VAV3: variants seen among roughly 807,000 people sequenced by gnomAD.
The protein encoded by VAV3 is guanine nucleotide exchange factor VAV3.
Under a neutral mutation model 131.2 loss-of-function variants are expected in VAV3, and 94 were observed. The ratio of observed to expected loss-of-function variants is 0.72; its 90% CI spans 0.61 to 0.85. The LOEUF (loss-of-function observed/expected upper bound fraction) is 0.85. Ranked by LOEUF, VAV3 falls within the 40% of genes least tolerant of loss-of-function variation. The pLI, the probability that VAV3 is intolerant of heterozygous loss-of-function variation, is 0.00. For synonymous variants in VAV3, 349 were observed against 342.0 expected, an observed-to-expected ratio of 1.02 and a Z score of -0.22; for missense variants, 939 against 1,002.7, an observed-to-expected ratio of 0.94 and a Z score of 0.86.
At chr1:107,694,501 T>C (rs1478657113) in intron 17 of VAV3, among the ~76,000 whole-genome samples, 1 of 152,208 alleles carries the variant, frequency 6.6e-6, no homozygotes, top group African/African-American at 2.4e-5. Flanking sequence ...GCTTAGGCCA[T>C]GAGCCTTTCC....
At chr1:107,629,269 A>C (rs1654262923) in intron 20 of VAV3, among the ~76,000 whole-genome samples, 1 of 152,184 alleles carries the variant, frequency 6.6e-6, no homozygotes, top group South Asian at 2.1e-4. Context: ...GACATGGCTT[A>C]ATTTTACATT....
chr1:107,639,007 C>T (rs1027286244), intron 20 of VAV3, among the ~76,000 whole-genome samples: 2 of 151,712 alleles, frequency 1.3e-5, no homozygotes, highest in Middle Eastern at 3.4e-3. Context: ...AATATATGTG[C>T]ACATACACAT....
At chr1:107,710,103 T>C (rs1363269178) in intron 15 of VAV3, among the ~76,000 whole-genome samples, 2 of 152,198 alleles carry the variant, frequency 1.3e-5, no homozygotes, top group East Asian at 3.8e-4. Context: ...AAAATCACTA[T>C]GTCATTTTAG....
chr1:107,790,021 G>T (rs1666206097), intron 2 of VAV3, among the ~76,000 whole-genome samples: 1 of 152,146 alleles, frequency 6.6e-6, no homozygotes, highest in Non-Finnish European at 1.5e-5. Context: ...CAAAACAGAT[G>T]CACACTGGCT....
At chr1:107,611,873 C>T (rs1011358829) in intron 21 of VAV3, among the ~76,000 whole-genome samples, 7 of 152,062 alleles carry the variant, frequency 4.6e-5, no homozygotes, top group Non-Finnish European at 7.4e-5. Context: ...CAGGTGGGGT[C>T]CTATCCTTTT....
At chr1:107,916,817 A>T (rs909925835) in intron 1 of VAV3, among the ~76,000 whole-genome samples, 5 of 152,166 alleles carry the variant, frequency 3.3e-5, no homozygotes, top group African/African-American at 4.8e-5. Flanking sequence ...ATTAAGTAGG[A>T]AGAACAATGT....
chr1:107,735,151 G>A (rs1163307331), intron 15 of VAV3, among the ~76,000 whole-genome samples: 1 of 152,176 alleles, frequency 6.6e-6, no homozygotes, highest in African/African-American at 2.4e-5. Context: ...CATGTTCTTT[G>A]AAACCAATGA....
chr1:107,679,245 C>T (rs1276454551), intron 19 of VAV3, among the ~76,000 whole-genome samples: 1 of 152,120 alleles, frequency 6.6e-6, no homozygotes, highest in African/African-American at 2.4e-5. Flanking sequence ...TAAGAAAAGA[C>T]AGTTTTTCTA....
chr1:107,785,168 T>C (rs1026769137), intron 2 of VAV3, among the ~76,000 whole-genome samples: 1 of 152,200 alleles, frequency 6.6e-6, no homozygotes, highest in Non-Finnish European at 1.5e-5. Context: ...TCTAGCACAT[T>C]AGTGCTGTTG....
rs116931358 is a variant in VAV3, at chr1:107,940,121, G to A, written c.204+24545C>T. Among the ~76,000 whole-genome samples the A allele has an allele frequency of 4.3e-4, 65 of 152,296 alleles. 1 individual carries two copies. The East Asian group carries it at 0.011, about 27-fold the overall frequency. ...GTATTCTATATTACCAGCTGGAGGAGCTCTTGATGCCTGGGTAGAATTGTA... is the reference window on the plus strand; with the variant it reads ...GTATTCTATATTACCAGCTGGAGGAACTCTTGATGCCTGGGTAGAATTGTA... On this transcript the variant is annotated intron_variant, in intron 1 of 26. Coordinates refer to ENST00000370056, the MANE Select transcript of VAV3 (RefSeq NM_006113.5).
At position 107,938,102 on chromosome 1, in the gene VAV3, A is replaced by G. The variant is rs555655519; in HGVS notation, c.204+26564T>C. On this transcript the variant is annotated intron_variant, in intron 1 of 26. Transcript: ENST00000370056. ...TCAAGCCTAACCTTCTTGGGGAGCC[A>G]GGGAGGATGGACTCAGGGCTATAGG... Among the ~76,000 whole-genome samples the G allele has an allele frequency of 3.3e-5, 5 of 152,346 alleles. 1 individual carries two copies. The highest frequency in any genetic ancestry group is 1.2e-4 in the African/African-American group (5 of 41,586).
intron 15 of VAV3, among the ~76,000 whole-genome samples, chr1:107,715,991 G>C (rs1661069924): frequency 1.3e-5 from 2 of 152,134 alleles, no homozygotes; most frequent in African/African-American, 4.8e-5. Context: ...GGTAATATTA[G>C]GGAACAAAAG....
intron 2 of VAV3, among the ~76,000 whole-genome samples, chr1:107,845,701 A>C (rs986479722): frequency 8.5e-5 from 13 of 152,140 alleles, no homozygotes; most frequent in Non-Finnish European, 7.4e-5. Flanking sequence ...AGGATATCAG[A>C]GATTGAAGAT....
At chr1:107,875,527 T>C (rs1332216142) in intron 1 of VAV3, among the ~76,000 whole-genome samples, 1 of 151,948 alleles carries the variant, frequency 6.6e-6, no homozygotes, top group Non-Finnish European at 1.5e-5. Flanking sequence ...GGCCCTGACA[T>C]AGAGGCCTCT....
chr1:107,668,558 A>T, intron 19 of VAV3: 1 of 882,740 alleles, frequency 1.1e-6, no homozygotes, highest in Non-Finnish European at 1.4e-6. Flanking sequence ...GCTGATTGAC[A>T]TATAAATCAT....
intron 1 of VAV3, among the ~76,000 whole-genome samples, chr1:107,920,134 G>A (rs910084478): frequency 2.0e-5 from 3 of 152,218 alleles, no homozygotes; most frequent in African/African-American, 7.2e-5. Flanking sequence ...AACATAGTGT[G>A]TGAAAACTTC....
intron 1 of VAV3, among the ~76,000 whole-genome samples, chr1:107,912,913 A>G (rs1672435567): frequency 6.6e-6 from 1 of 152,126 alleles, no homozygotes; most frequent in Admixed American, 6.5e-5. Context: ...CAGCATCAAA[A>G]CCACTTGGTA....
chr1:107,735,409 G>A (rs189834891), intron 15 of VAV3, among the ~76,000 whole-genome samples: 129 of 152,214 alleles, frequency 8.5e-4, no homozygotes, highest in African/African-American at 3.0e-3. Flanking sequence ...AAAAATCAAC[G>A]AATCCAAGAG....
At chr1:107,578,900 A>C in intron 25 of VAV3, 1 of 985,162 alleles carries the variant, frequency 1.0e-6, no homozygotes, top group Non-Finnish European at 1.2e-6. Flanking sequence ...AGAAGAGAGA[A>C]ATGATAAGCC....
Sources: gnomAD v4.1 joint callset for allele counts (sites outside exome capture counted in the v4.1 genomes callset) on GRCh38, gnomAD v4.1.1 for gene constraint, MANE v1.5 for transcripts, NCBI Gene and HGNC (gene_info 2026-07-23, HGNC 2026-07-21) for gene names.